XPA: variants seen among roughly 807,000 people sequenced by gnomAD.
XPA encodes DNA repair protein complementing XP-A cells.
In XPA, 27 loss-of-function variants were observed where a neutral mutation model predicts 35.7. That is an observed-to-expected ratio of 0.76 (90% confidence interval 0.56 to 1.04). The LOEUF is 1.04. XPA is among the 50% of genes least tolerant of loss of function. The pLI is 0.00. For synonymous variants in XPA, 133 were observed against 118.4 expected, an observed-to-expected ratio of 1.12 and a Z score of -0.80; for missense variants, 354 against 342.7, an observed-to-expected ratio of 1.03 and a Z score of -0.26.
At chr9:97,692,295 GAAAA>G (rs924969805) in intron 2 of XPA, among the ~76,000 whole-genome samples, 1 of 144,552 alleles carries the variant, frequency 6.9e-6, no homozygotes, top group African/African-American at 2.5e-5. Flanking sequence ...CTGTCTCAAA[GAAAA>G]AAAAAAGAAA....
intron 1 of XPA, among the ~76,000 whole-genome samples, chr9:97,694,066 T>C (rs1267216581): frequency 1.3e-5 from 2 of 152,256 alleles, no homozygotes; most frequent in Non-Finnish European, 2.9e-5. Context: ...TAGGAAGAGA[T>C]GTGTACAACC....
chr9:97,674,652 T>TCTGAAAG (rs1355119765), downstream of XPA, among the ~76,000 whole-genome samples: 1 of 152,214 alleles, frequency 6.6e-6, no homozygotes, highest in Non-Finnish European at 1.5e-5. Flanking sequence ...TCCTTAGAAG[T>TCTGAAAG]CTGAAAGCAG....
chr9:97,656,065 A>G, the XPA span: 2 of 1,613,914 alleles, frequency 1.2e-6, no homozygotes, highest in Non-Finnish European at 1.7e-6. Flanking sequence ...TTGTAAGAGA[A>G]GTTCTAGAAA....
downstream of XPA, chr9:97,671,358 T>G: frequency 3.5e-6 from 2 of 566,610 alleles, no homozygotes; most frequent in Non-Finnish European, 6.2e-6. Flanking sequence ...TTACTTTTAA[T>G]TGCCCTGAAA....
At chr9:97,680,334 G>C (rs1171795368) in intron 5 of XPA, among the ~76,000 whole-genome samples, 1 of 152,040 alleles carries the variant, frequency 6.6e-6, no homozygotes, top group African/African-American at 2.4e-5. Flanking sequence ...TCAGCCTCCT[G>C]AGTAGCTGGG....
the XPA span, chr9:97,669,010 A>T: frequency 1.3e-6 from 2 of 1,547,022 alleles, no homozygotes; most frequent in Non-Finnish European, 1.8e-6. Context: ...ATAAAAGGAA[A>T]CAATACATTT....
chr9:97,692,953 A>G (rs1022294143), intron 2 of XPA, among the ~76,000 whole-genome samples: 8 of 152,190 alleles, frequency 5.3e-5, no homozygotes, highest in Admixed American at 2.0e-4. Flanking sequence ...AGCTTCTGCA[A>G]ACAACAATAT....
At chr9:97,684,246 TGATGGATG>T (rs141601649) in intron 5 of XPA, among the ~76,000 whole-genome samples, 6 of 152,138 alleles carry the variant, frequency 3.9e-5, no homozygotes, top group Non-Finnish European at 5.9e-5. Context: ...CTGGATGTAT[TGATGGATG>T]GATGGATGGA....
intron 5 of XPA, among the ~76,000 whole-genome samples, chr9:97,683,173 T>C (rs1181545644): frequency 1.3e-5 from 2 of 152,184 alleles, no homozygotes; most frequent in African/African-American, 4.8e-5. Context: ...TTGAGGTGAT[T>C]TCAGGTAGCT....
chr9:97,677,320 A>G (rs1478835956), intron 5 of XPA, among the ~76,000 whole-genome samples: 1 of 152,186 alleles, frequency 6.6e-6, no homozygotes, highest in African/African-American at 2.4e-5. Flanking sequence ...GTCAGGCTAT[A>G]TAATGGTGAG....
At chr9:97,673,462 ATTTCT>A (rs1289875617), downstream of XPA, 1 of 152,294 alleles carries the variant, frequency 6.6e-6, no homozygotes, top group East Asian at 1.9e-4. Flanking sequence ...GTAGGTTTTA[ATTTCT>A]TTTCTCTTGG....
the XPA span, chr9:97,662,236 A>G: frequency 1.1e-6 from 1 of 950,742 alleles, no homozygotes; most frequent in Non-Finnish European, 1.7e-6. Flanking sequence ...ATTGTTGAAT[A>G]TGAAGATCTT....
chr9:97,662,185 T>A, the XPA span: 1 of 1,471,628 alleles, frequency 6.8e-7, no homozygotes, highest in South Asian at 1.1e-5. Flanking sequence ...GTTTGGAATT[T>A]TGCTTGGTGA....
the XPA span, among the ~76,000 whole-genome samples, chr9:97,664,928 G>A: frequency 6.6e-6 from 1 of 152,304 alleles, no homozygotes; most frequent in Non-Finnish European, 1.5e-5. Context: ...TCTCACCACA[G>A]TCATAATCTT....
chr9:97,676,467 C>T (rs1828369450), intron 5 of XPA, among the ~76,000 whole-genome samples: 2 of 152,204 alleles, frequency 1.3e-5, no homozygotes, highest in African/African-American at 4.8e-5. Flanking sequence ...TTGACAGTGG[C>T]ATTACCTAAG....
At chr9:97,666,726 C>T in the XPA span, 2 of 1,339,912 alleles carry the variant, frequency 1.5e-6, no homozygotes, top group Non-Finnish European at 2.1e-6. Context: ...GTAACCATAG[C>T]TTGACATACA....
the XPA span, among the ~76,000 whole-genome samples, chr9:97,666,214 T>G: frequency 2.6e-5 from 4 of 152,324 alleles, no homozygotes; most frequent in Non-Finnish European, 4.4e-5. Flanking sequence ...GATCTTAGTA[T>G]GTATTTGCTA....
the XPA span, chr9:97,656,176 C>G: frequency 9.4e-7 from 1 of 1,062,546 alleles, no homozygotes; most frequent in Non-Finnish European, 1.4e-6. Context: ...ATATTGGATT[C>G]AAAATCCACT....
intron 5 of XPA, chr9:97,682,495 AC>A: frequency 1.9e-6 from 1 of 515,156 alleles, no homozygotes; most frequent in Admixed American, 2.0e-5. Flanking sequence ...TGCACATTAA[AC>A]ACCAGAAGAC....
Sources: gnomAD v4.1 joint callset for allele counts (sites outside exome capture counted in the v4.1 genomes callset) on GRCh38, gnomAD v4.1.1 for gene constraint, MANE v1.5 for transcripts, NCBI Gene and HGNC (gene_info 2026-07-23, HGNC 2026-07-21) for gene names.